The following TSPAN16 variants were observed in gnomAD, a reference collection of about 807,000 sequenced individuals.
TSPAN16 encodes tetraspanin 16.
A neutral mutation model predicts 25.2 loss-of-function variants in TSPAN16; 23 were observed. That is an observed-to-expected ratio of 0.91 (90% CI 0.66 to 1.29). TSPAN16 has a LOEUF of 1.29. Among genes scored for constraint, TSPAN16 ranks in the 50% most tolerant of loss-of-function variants. TSPAN16 has a pLI of 0.00. For missense variants in TSPAN16, 272 were observed against 299.9 expected (o/e 0.91, Z 0.69); for synonymous variants, 123 against 124.4 (o/e 0.99, Z 0.08).
At chr19:11,316,811 C>CTTT (rs71164185), downstream of TSPAN16, among the ~76,000 whole-genome samples, 112 of 129,618 alleles carry the variant, frequency 8.6e-4, 1 homozygote, top group South Asian at 3.4e-3. Context: ...CCCCCCCCGC[C>CTTT]TTTTTTTTTT....
At chr19:11,302,032 C>G (rs1175718803) in intron 4 of TSPAN16, among the ~76,000 whole-genome samples, 3 of 152,070 alleles carry the variant, frequency 2.0e-5, no homozygotes, top group African/African-American at 7.2e-5. Flanking sequence ...CCATATGGGT[C>G]AGGCTGGTCT....
chr19:11,299,081 A>G (rs1203741214), intron 3 of TSPAN16, 135 bp downstream of exon 3: 4 of 825,476 alleles, frequency 4.8e-6, no homozygotes, highest in Non-Finnish European at 7.6e-6. Flanking sequence ...TGAGTTTGAG[A>G]CCAGCCTGGC....
At chr19:11,310,225 G>A (rs967971288) in intron 5 of TSPAN16, among the ~76,000 whole-genome samples, 2 of 152,120 alleles carry the variant, frequency 1.3e-5, no homozygotes, top group African/African-American at 4.8e-5. Context: ...TACTCTGGAA[G>A]TGCAGGAAGA....
chr19:11,302,985 G>A (rs1372168947), intron 4 of TSPAN16, among the ~76,000 whole-genome samples: 1 of 149,914 alleles, frequency 6.7e-6, no homozygotes, highest in African/African-American at 2.5e-5. Flanking sequence ...GGTGAGGGGC[G>A]CCTCTGCCCG....
chr19:11,310,577 C>T (rs747671005), intron 5 of TSPAN16, among the ~76,000 whole-genome samples: 8 of 151,466 alleles, frequency 5.3e-5, no homozygotes, highest in Non-Finnish European at 1.0e-4. Context: ...CAGGAGGATG[C>T]CCTGCCAACG....
At chr19:11,307,106 C>A (rs988069745) in intron 5 of TSPAN16, among the ~76,000 whole-genome samples, 19 of 150,182 alleles carry the variant, frequency 1.3e-4, no homozygotes, top group Non-Finnish European at 3.0e-5. Flanking sequence ...CTGTACCCAG[C>A]CTTTTTATTT....
Position 11,300,979 on chromosome 19 carries a change from T to C in TSPAN16, c.343-222T>C, listed in dbSNP as rs2080539650. The C allele has an allele frequency of 1.2e-5, 6 of 510,750 alleles. No homozygotes were observed. In the East Asian group the frequency reaches 2.0e-4, roughly 17 times the overall value. 31.6% of individuals were successfully genotyped at this position (510,750 alleles called of 1,614,324 possible). A position where few individuals can be genotyped will look rare whatever the true frequency, so the allele number is the denominator to read the frequency against. ...GTGCGATGGGTACAGAGAGATACGC[T>C]TGGCTCCAGACCCACGCGTCTCCCT... is the stretch of plus-strand genomic sequence containing the variant. On this transcript the variant is annotated intron_variant, in intron 3 of 6. Coordinates refer to ENST00000590327, the MANE Select transcript of TSPAN16 (RefSeq NM_001282509.2).
intron 4 of TSPAN16, among the ~76,000 whole-genome samples, chr19:11,306,101 C>G: frequency 6.6e-6 from 1 of 152,180 alleles, no homozygotes; most frequent in Non-Finnish European, 1.5e-5. Flanking sequence ...AAACCTGTCT[C>G]TACTAAAAAT....
In TSPAN16 at chr19:11,306,885, G is replaced by A. The variant is rs139224099; in HGVS notation, c.603+129G>A. Reference sequence around the variant, plus strand: ...GGCTGGAGTGCAGTGGTGCGATCTCGGCTCACTGCAACCTCCGCCTCCCAG... The same window carrying A: ...GGCTGGAGTGCAGTGGTGCGATCTCAGCTCACTGCAACCTCCGCCTCCCAG... On this transcript the variant is annotated intron_variant, in intron 5 of 6. Transcript: ENST00000590327. The A allele has an allele frequency of 3.1e-3, 2,784 of 892,788 alleles. 32 individuals are homozygous for A. The African/African-American group carries it at 0.038, about 12-fold the overall frequency. 55.3% of individuals were successfully genotyped at this position (892,788 alleles called of 1,614,324 possible). A position where few individuals can be genotyped will look rare whatever the true frequency, so the allele number is the denominator to read the frequency against.
At chr19:11,302,528 CAAAAAAAAAAA>C (rs71164181) in intron 4 of TSPAN16, among the ~76,000 whole-genome samples, 1 of 49,270 alleles carries the variant, frequency 2.0e-5, no homozygotes, top group Non-Finnish European at 3.7e-5. Context: ...GGCTCCATCT[CAAAAAAAAAAA>C]AAAAAAAAAA....
At position 11,296,162 on chromosome 19, in the gene TSPAN16, G is replaced by C. The variant is rs2080475696; in HGVS notation, c.-136G>C. On this transcript the variant is annotated 5_prime_UTR_variant, in exon 1 of 7. Coordinates refer to ENST00000590327, the MANE Select transcript of TSPAN16 (RefSeq NM_001282509.2). ...CTGGGCCGCCTTGGACAACCATCAG[G>C]CAGCCAGGACACAGAGGGGCAGAGC... 1 of 859,812 alleles carries C rather than the reference G, an allele frequency of 1.2e-6. No homozygotes were observed. The highest frequency in any genetic ancestry group is 1.7e-5 in the African/African-American group (1 of 59,950). The allele number at this position is 859,812 out of a possible 1,614,324, so 53.3% of individuals were successfully genotyped here.
chr19:11,302,105 T>C (rs8111281), intron 4 of TSPAN16, among the ~76,000 whole-genome samples: 68,522 of 151,684 alleles, frequency 0.45, 18,771 homozygotes, highest in African/African-American at 0.78. Flanking sequence ...ATTATAGGCG[T>C]GAGCCACCGT....
intron 6 of TSPAN16, among the ~76,000 whole-genome samples, chr19:11,326,580 A>G (rs73510642): frequency 0.035 from 5,278 of 152,282 alleles, 292 homozygotes; most frequent in African/African-American, 0.12. Flanking sequence ...AGGCATGGTC[A>G]GGAGACCCAT....
At chr19:11,296,841 A>G (rs1442848778) in intron 1 of TSPAN16, among the ~76,000 whole-genome samples, 3 of 152,000 alleles carry the variant, frequency 2.0e-5, no homozygotes. Flanking sequence ...GTTCAAGACC[A>G]GCCTTGGTCA....
Position 11,298,300 on chromosome 19 carries a change from G to A in TSPAN16, c.228G>A (p.Trp76Ter), listed in dbSNP as rs761047207. The A allele has an allele frequency of 6.2e-7, 1 of 1,614,146 alleles. No individual in the cohort carries two copies. Among genetic ancestry groups the A allele is most frequent in the Non-Finnish European group, 8.5e-7 (1 of 1,180,014 alleles). The change falls in exon 2 of 7, where the codon TGG becomes TGA. Residue 76 changes from tryptophan to a stop codon, truncating the protein, a stop_gained. Coordinates refer to ENST00000590327, the MANE Select transcript of TSPAN16 (RefSeq NM_001282509.2). LOFTEE classifies it high-confidence loss of function. ...CGGTACTGCTTGGCTGTGCCGGGTG[G>A]TATGGAGCGACTAAAGAGAGCAGAG... ...CITVLLGCAG[W>*]YGATKESRGT...
intron 5 of TSPAN16, among the ~76,000 whole-genome samples, chr19:11,310,911 C>T (rs1599343080): frequency 6.6e-6 from 1 of 152,190 alleles, no homozygotes; most frequent in East Asian, 1.9e-4. Context: ...AAACATGGCT[C>T]ACTGCAGCCT....
chr19:11,310,081 G>A (rs2080673337), intron 5 of TSPAN16, among the ~76,000 whole-genome samples: 1 of 151,926 alleles, frequency 6.6e-6, no homozygotes, highest in Admixed American at 6.6e-5. Flanking sequence ...TCCAGTCTGA[G>A]TGACAGGACG....
chr19:11,298,297 G>A lies in TSPAN16; in HGVS notation c.225G>A (p.Gly75=), dbSNP rs888614106. The A allele has an allele frequency of 2.5e-6, 4 of 1,614,034 alleles. No individual in the cohort carries two copies. Among genetic ancestry groups the A allele is most frequent in the South Asian group, 1.1e-5 (1 of 91,086 alleles). Residue 75 remains glycine, a synonymous_variant, in exon 2 of 7, where the codon GGG becomes GGA. Transcript: ENST00000590327. ...TCACGGTACTGCTTGGCTGTGCCGG[G>A]TGGTATGGAGCGACTAAAGAGAGCA... is the stretch of plus-strand genomic sequence containing the variant. The part of the protein sequence containing the change: ...GCITVLLGCA[G]WYGATKESRG...
rs2080544291 is a variant in TSPAN16 at position 11,301,229 on chromosome 19, T to C, written c.371T>C (p.Phe124Ser). 6.2e-7 allele frequency: 1 copy of C among 1,613,880 alleles called. No individual in the cohort carries two copies. ...GGAGATGTGGCCTTGGAACACACCTTCGTGACCCTGAGGAAGAATTACAGA... is the reference window on the plus strand; with the variant it reads ...GGAGATGTGGCCTTGGAACACACCTCCGTGACCCTGAGGAAGAATTACAGA... Reference protein sequence around the residue: ...IVGDVALEHTFVTLRKNYRGY... With the variant: ...IVGDVALEHTSVTLRKNYRGY... The change falls in exon 4 of 7, where the codon TTC becomes TCC. Residue 124 changes from phenylalanine to serine, a missense_variant. Transcript: ENST00000590327.
Sources: gnomAD v4.1 joint callset for allele counts (sites outside exome capture counted in the v4.1 genomes callset) on GRCh38, gnomAD v4.1.1 for gene constraint, MANE v1.5 for transcripts, NCBI Gene and HGNC (gene_info 2026-07-23, HGNC 2026-07-21) for gene names.